The following SPRR2G variants were observed in gnomAD, a reference collection of about 807,000 sequenced individuals.
The protein encoded by SPRR2G is small proline-rich protein 2G.
In SPRR2G, 1 loss-of-function variant was observed where a neutral mutation model predicts 0.7. The observed-to-expected ratio is 1.49, with a 90% CI of 0.53 to 7.06. SPRR2G has a LOEUF of 7.06. SPRR2G is among the 30% of genes most tolerant of loss of function. The pLI, the probability that SPRR2G is intolerant of heterozygous loss-of-function variation, is 0.14. For missense variants in SPRR2G, 96 were observed against 88.5 expected (o/e 1.09, Z -0.34); for synonymous variants, 38 against 33.9 (o/e 1.12, Z -0.42).
the SPRR2G span, among the ~76,000 whole-genome samples, chr1:153,188,092 G>GGTAC: frequency 4.6e-5 from 7 of 150,684 alleles, no homozygotes; most frequent in African/African-American, 1.5e-4. Context: ...ATCCCACAGG[G>GGTAC]GTACCTGCCT....
In SPRR2G at chr1:153,149,883, G is replaced by C. The variant is rs759816609; in HGVS notation, c.*6C>G. ...TGTTTCATGGTCCTGATGAATTCTAGTGATGTTACTTGCTCTTGGGTGGAT... is the reference window on the plus strand; with the variant it reads ...TGTTTCATGGTCCTGATGAATTCTACTGATGTTACTTGCTCTTGGGTGGAT... On this transcript the variant is annotated 3_prime_UTR_variant, in exon 2 of 2. Coordinates refer to ENST00000368748, the MANE Select transcript of SPRR2G (RefSeq NM_001014291.4). 2.2e-5 allele frequency: 35 copies of C among 1,613,986 alleles called. No homozygotes were observed. Among genetic ancestry groups the C allele is most frequent in the Non-Finnish European group, 2.9e-5 (34 of 1,179,994 alleles).
upstream of SPRR2G, among the ~76,000 whole-genome samples, chr1:153,153,651 G>A (rs1006106677): frequency 1.2e-4 from 18 of 152,052 alleles, no homozygotes; most frequent in Non-Finnish European, 2.6e-4. Context: ...TAGAAGACAG[G>A]CGAGTGGAAA....
chr1:153,177,893 T>G, the SPRR2G span, among the ~76,000 whole-genome samples: 37 of 152,266 alleles, frequency 2.4e-4, no homozygotes, highest in African/African-American at 8.7e-4. Context: ...GCTGGGATTT[T>G]TATTAGGATT....
At chr1:153,180,679 A>G in the SPRR2G span, among the ~76,000 whole-genome samples, 1 of 152,204 alleles carries the variant, frequency 6.6e-6, no homozygotes, top group Non-Finnish European at 1.5e-5. Context: ...GCTCAGCTCT[A>G]GTGAATACTG....
upstream of SPRR2G, among the ~76,000 whole-genome samples, chr1:153,155,024 T>C (rs1656553492): frequency 6.6e-6 from 1 of 152,186 alleles, no homozygotes; most frequent in African/African-American, 2.4e-5. Flanking sequence ...CTCCTACTCC[T>C]GTGCTTAATC....
At chr1:153,172,835 G>C in the SPRR2G span, among the ~76,000 whole-genome samples, 1 of 152,192 alleles carries the variant, frequency 6.6e-6, no homozygotes, top group Non-Finnish European at 1.5e-5. Context: ...AGTTCCATTA[G>C]GGCTTGGGCT....
the SPRR2G span, among the ~76,000 whole-genome samples, chr1:153,202,573 T>C: frequency 6.6e-6 from 1 of 152,232 alleles, no homozygotes; most frequent in Non-Finnish European, 1.5e-5. Flanking sequence ...CCCATGAATC[T>C]ACCTGTCTAA....
chr1:153,185,958 A>T, the SPRR2G span, among the ~76,000 whole-genome samples: 2 of 152,106 alleles, frequency 1.3e-5, no homozygotes, highest in Admixed American at 6.6e-5. Context: ...TTTCTGCCTT[A>T]ATTTCATTAT....
At chr1:153,189,889 T>C in the SPRR2G span, among the ~76,000 whole-genome samples, 1 of 152,132 alleles carries the variant, frequency 6.6e-6, no homozygotes. Flanking sequence ...TTCCTAGCCA[T>C]CTGTGGGGCA....
At chr1:153,178,024 T>C in the SPRR2G span, among the ~76,000 whole-genome samples, 1 of 152,172 alleles carries the variant, frequency 6.6e-6, no homozygotes, top group Non-Finnish European at 1.5e-5. Context: ...CAGATTGTTT[T>C]ATTATTTTCA....
Position 153,149,607 on chromosome 1 carries a change from T to G in SPRR2G, c.*282A>C. 2 of 493,622 alleles carry G rather than the reference T, an allele frequency of 4.1e-6. No individual in the cohort carries two copies. The highest frequency in any genetic ancestry group is 3.7e-6 in the Non-Finnish European group (1 of 271,492). 30.6% of individuals were successfully genotyped at this position (493,622 alleles called of 1,614,324 possible). Reference sequence around the variant, plus strand: ...TGGGCTTGACCATGAAACATGTGCTTTATTGGGGAGAAGCAAAAGAATAAA... The same window carrying G: ...TGGGCTTGACCATGAAACATGTGCTGTATTGGGGAGAAGCAAAAGAATAAA... On this transcript the variant is annotated 3_prime_UTR_variant, in exon 2 of 2. Transcript: ENST00000368748.
the SPRR2G span, among the ~76,000 whole-genome samples, chr1:153,169,564 C>CAA: frequency 1.4e-3 from 196 of 142,254 alleles, 4 homozygotes; most frequent in Admixed American, 2.8e-3. Context: ...GACTCCATCT[C>CAA]AAAAAAAAAA....
chr1:153,201,147 T>C, the SPRR2G span, among the ~76,000 whole-genome samples: 1 of 152,160 alleles, frequency 6.6e-6, no homozygotes. Context: ...GTGTTTCGTC[T>C]CAGTAGTAGT....
rs1222976814 is a variant in SPRR2G at position 153,149,723 on chromosome 1, A to G, written c.*166T>C. ...ATCTGGCTGCTCATCTTCCAACAAC[A>G]TATCGGTTTTCAGAACTAAGCCTTT... On this transcript the variant is annotated 3_prime_UTR_variant, in exon 2 of 2. Transcript: ENST00000368748. 5.9e-6 allele frequency: 5 copies of G among 846,366 alleles called. No individual in the cohort carries two copies. Among genetic ancestry groups the G allele is most frequent in the East Asian group, 2.7e-5 (1 of 37,716 alleles). 52.4% of individuals were successfully genotyped at this position (846,366 alleles called of 1,614,324 possible).
the SPRR2G span, among the ~76,000 whole-genome samples, chr1:153,193,520 G>A: frequency 2.6e-5 from 4 of 152,186 alleles, no homozygotes; most frequent in Admixed American, 2.6e-4. Flanking sequence ...TAGCCTCTGG[G>A]AGAGGCTCAA....
At chr1:153,198,385 G>A in the SPRR2G span, among the ~76,000 whole-genome samples, 2 of 152,184 alleles carry the variant, frequency 1.3e-5, no homozygotes, top group Non-Finnish European at 2.9e-5. Context: ...GCAATGCTGT[G>A]GGGGTTGAAT....
the SPRR2G span, among the ~76,000 whole-genome samples, chr1:153,187,094 A>G: frequency 6.6e-6 from 1 of 152,148 alleles, no homozygotes; most frequent in Non-Finnish European, 1.5e-5. Flanking sequence ...TTCCCTTTGT[A>G]GGTAACCTGA....
the SPRR2G span, among the ~76,000 whole-genome samples, chr1:153,162,757 A>G: frequency 1.3e-5 from 2 of 152,044 alleles, no homozygotes; most frequent in African/African-American, 4.8e-5. Flanking sequence ...TCCTCTCCCA[A>G]CTACATCTTT....
rs141920106 is a variant in SPRR2G, at chr1:153,150,022, G to A, written c.89C>T (p.Pro30Leu). 996 of 1,613,748 alleles carry A rather than the reference G, an allele frequency of 6.2e-4. 9 individuals carry two copies. The African/African-American group carries it at 0.011, about 18-fold the overall frequency. ...TPKCPEPCPP[P>L]KCPEPYLPPP... ...AGGCAGGTAAGGCTCAGGGCACTTC[G>A]GGGGTGGACATGGCTCTGGGCACTT... is the stretch of plus-strand genomic sequence containing the variant. Residue 30 changes from proline (P) to leucine (L), a missense_variant, in exon 2 of 2, where the codon CCG (proline) becomes CTG (leucine). Transcript: ENST00000368748.
Sources: allele counts gnomAD v4.1 joint callset (sites outside exome capture counted in the v4.1 genomes callset), GRCh38; gene constraint gnomAD v4.1.1; transcripts MANE v1.5; gene names NCBI Gene and HGNC (gene_info 2026-07-23, HGNC 2026-07-21).